PAIP2B: variants seen among roughly 807,000 people sequenced by gnomAD.
PAIP2B encodes polyadenylate-binding protein-interacting protein 2B.
PAIP2B carries 13 observed loss-of-function variants against 17.0 expected under a neutral mutation model. That is an observed-to-expected ratio of 0.76 (90% CI 0.50 to 1.22). The LOEUF is 1.22. Among genes scored for constraint, PAIP2B ranks in the 50% most tolerant of loss-of-function variants. PAIP2B has a pLI of 0.00. For synonymous variants in PAIP2B, 43 were observed against 48.7 expected (o/e 0.88, Z 0.48); for missense variants, 117 against 144.5 (o/e 0.81, Z 0.98).
intron 2 of PAIP2B, among the ~76,000 whole-genome samples, chr2:71,190,555 A>C (rs1674663368): frequency 6.6e-6 from 1 of 152,220 alleles, no homozygotes; most frequent in Admixed American, 6.5e-5. Context: ...ACCAAATTCT[A>C]TCACTAATAA....
chr2:71,183,947 A>G lies in PAIP2B; in HGVS notation c.*4532T>C, dbSNP rs1258679844. 2 of 152,212 alleles carry G rather than the reference A, an allele frequency of 1.3e-5. No homozygotes were observed. The highest frequency in any genetic ancestry group is 2.9e-5 in the Non-Finnish European group (2 of 68,036). 9.4% of individuals were successfully genotyped at this position (152,212 alleles called of 1,614,324 possible). A position where few individuals can be genotyped will look rare whatever the true frequency, so the allele number is the denominator to read the frequency against. ...ATGCCTCATTAAAGTTGTTTTAAGA[A>G]AAGGATTCCCTGCCTCCCAAACCAT... On this transcript the variant is annotated 3_prime_UTR_variant, in exon 4 of 4. Transcript: ENST00000244221.
rs1166691287 is a variant in PAIP2B, at chr2:71,185,099, A to T, written c.*3380T>A. The T allele has an allele frequency of 3.9e-5, 6 of 152,196 alleles. No individual in the cohort carries two copies. Among genetic ancestry groups the T allele is most frequent in the Non-Finnish European group, 8.8e-5 (6 of 68,032 alleles). 9.4% of individuals were successfully genotyped at this position (152,196 alleles called of 1,614,324 possible). A position where few individuals can be genotyped will look rare whatever the true frequency, so the allele number is the denominator to read the frequency against. On this transcript the variant is annotated 3_prime_UTR_variant, in exon 4 of 4. Coordinates refer to ENST00000244221, the MANE Select transcript of PAIP2B (RefSeq NM_020459.1). ...ATTCATTCGTGCTGTTTACTTTGGCAGCCTCTTCACACAACTTTCCTCTCT... is the reference window on the plus strand; with the variant it reads ...ATTCATTCGTGCTGTTTACTTTGGCTGCCTCTTCACACAACTTTCCTCTCT...
At chr2:71,216,835 A>G (rs2103818492) in intron 1 of PAIP2B, among the ~76,000 whole-genome samples, 1 of 152,358 alleles carries the variant, frequency 6.6e-6, no homozygotes, top group Admixed American at 6.5e-5. Context: ...AATGACATCC[A>G]ATTAAAAGAC....
chr2:71,194,491 G>GTGTGT (rs1471587889), intron 2 of PAIP2B, among the ~76,000 whole-genome samples: 4 of 136,640 alleles, frequency 2.9e-5, no homozygotes, highest in Non-Finnish European at 6.2e-5. Flanking sequence ...GTGTGTGTGT[G>GTGTGT]TGGCAACTGT....
intron 2 of PAIP2B, among the ~76,000 whole-genome samples, chr2:71,190,257 C>T (rs72622618): frequency 0.13 from 19,297 of 151,586 alleles, 1,371 homozygotes; most frequent in South Asian, 0.3. Context: ...CCTGCCTCTA[C>T]AAAAAAAATT....
intron 1 of PAIP2B, among the ~76,000 whole-genome samples, chr2:71,218,536 TG>T (rs551906101): frequency 1.9e-4 from 29 of 152,300 alleles, no homozygotes; most frequent in Non-Finnish European, 3.8e-4. Flanking sequence ...TCACTGTTGG[TG>T]GGAGTATACA....
chr2:71,210,463 C>A (rs1252613774), intron 1 of PAIP2B, among the ~76,000 whole-genome samples: 1 of 152,186 alleles, frequency 6.6e-6, no homozygotes, highest in Non-Finnish European at 1.5e-5. Context: ...CCTATATTGA[C>A]CTCAATGCAC....
chr2:71,194,156 C>A (rs745868873), intron 2 of PAIP2B, among the ~76,000 whole-genome samples: 13 of 152,060 alleles, frequency 8.5e-5, no homozygotes, highest in African/African-American at 2.9e-4. Flanking sequence ...TAACGTGATG[C>A]CCTCAGCTTT....
chr2:71,199,362 T>G (rs1346736211), intron 2 of PAIP2B, among the ~76,000 whole-genome samples: 1 of 151,690 alleles, frequency 6.6e-6, no homozygotes, highest in Non-Finnish European at 1.5e-5. Context: ...TCTACCCTGA[T>G]TTTTACTTAA....
At chr2:71,218,152 A>T (rs1392675617) in intron 1 of PAIP2B, among the ~76,000 whole-genome samples, 2 of 152,140 alleles carry the variant, frequency 1.3e-5, no homozygotes, top group Non-Finnish European at 2.9e-5. Context: ...GTGAAATGTG[A>T]CTTTGGAGCT....
At chr2:71,194,466 T>TGTGA (rs1226586548) in intron 2 of PAIP2B, among the ~76,000 whole-genome samples, 1 of 129,490 alleles carries the variant, frequency 7.7e-6, no homozygotes, top group African/African-American at 3.0e-5. Context: ...AGGTTGTGTG[T>TGTGA]GTGTGTGTGT....
intron 2 of PAIP2B, among the ~76,000 whole-genome samples, chr2:71,198,095 ATTC>A (rs1451225261): frequency 1.3e-5 from 2 of 151,786 alleles, no homozygotes; most frequent in Admixed American, 1.3e-4. Flanking sequence ...ATTCCTTTCT[ATTC>A]TTCTTGCTTT....
In PAIP2B at chr2:71,187,959, CCG is replaced by C. The variant is rs1674583346; in HGVS notation, c.*518_*519del. ...AAGGGCTTGACAGCACATTGGTTAT[CCG>C]AGTTCATTGCAGGAGACCCCGGGGG... On this transcript the variant is annotated 3_prime_UTR_variant, in exon 4 of 4. Transcript: ENST00000244221. The C allele has an allele frequency of 1.3e-5, 2 of 155,450 alleles. No homozygotes were observed. Among genetic ancestry groups the C allele is most frequent in the Non-Finnish European group, 2.9e-5 (2 of 69,776 alleles). The allele number at this position is 155,450 out of a possible 1,614,324, so 9.6% of individuals were successfully genotyped here.
intron 1 of PAIP2B, among the ~76,000 whole-genome samples, chr2:71,204,379 T>C (rs1053730675): frequency 6.6e-6 from 1 of 152,198 alleles, no homozygotes; most frequent in Non-Finnish European, 1.5e-5. Flanking sequence ...AGTAAAATAT[T>C]CTTTCTTAGT....
chr2:71,202,753 A>G (rs1273048604), intron 1 of PAIP2B, among the ~76,000 whole-genome samples, 153 bp from the exon 2 acceptor site: 1 of 152,172 alleles, frequency 6.6e-6, no homozygotes, highest in Non-Finnish European at 1.5e-5. Flanking sequence ...CTCTTATAAA[A>G]CCATCCACAT....
chr2:71,201,617 G>A lies in PAIP2B; in HGVS notation c.138+835C>T, dbSNP rs1466967430. Among the ~76,000 whole-genome samples, 5 of 152,156 alleles carry A rather than the reference G, an allele frequency of 3.3e-5. No homozygotes were observed. In the East Asian group the frequency reaches 9.6e-4, roughly 29 times the overall value. On this transcript the variant is annotated intron_variant, in intron 2 of 3. Coordinates refer to ENST00000244221, the MANE Select transcript of PAIP2B (RefSeq NM_020459.1). ...GCAGGTCTTGAACTCCTGACTTCAA[G>A]TGATCTGCCCACCTTGGCCTCCCAA...
chr2:71,194,699 C>T (rs1329063059), intron 2 of PAIP2B, among the ~76,000 whole-genome samples: 1 of 152,152 alleles, frequency 6.6e-6, no homozygotes, highest in Non-Finnish European at 1.5e-5. Flanking sequence ...AGTATGACTT[C>T]CTCTCTTCCT....
At chr2:71,201,838 T>A (rs140712178) in intron 2 of PAIP2B, among the ~76,000 whole-genome samples, 2 of 152,230 alleles carry the variant, frequency 1.3e-5, no homozygotes, top group African/African-American at 2.4e-5. Context: ...TAATTTCACA[T>A]TGATCACTAC....
At chr2:71,197,289 A>G (rs1479132665) in intron 2 of PAIP2B, among the ~76,000 whole-genome samples, 1 of 152,196 alleles carries the variant, frequency 6.6e-6, no homozygotes, top group African/African-American at 2.4e-5. Flanking sequence ...GTTTGGCTGG[A>G]TATAAATTCT....
Sources: allele counts gnomAD v4.1 joint callset (sites outside exome capture counted in the v4.1 genomes callset), GRCh38; gene constraint gnomAD v4.1.1; transcripts MANE v1.5; gene names NCBI Gene and HGNC (gene_info 2026-07-23, HGNC 2026-07-21).